KCNB2: variants seen among roughly 807,000 people sequenced by gnomAD.
KCNB2 encodes delayed rectifier potassium channel protein.
In KCNB2, 15 loss-of-function variants were observed where a neutral mutation model predicts 61.5. The observed-to-expected ratio is 0.24, with a 90% confidence interval of 0.16 to 0.38. The LOEUF is 0.38. Ranked by LOEUF, KCNB2 falls within the 10% of genes least tolerant of loss-of-function variation. The probability of loss-of-function intolerance (pLI) is 1.00; values close to 1 mark genes in which losing one functional copy is unlikely to be tolerated. For synonymous variants in KCNB2, 457 were observed against 446.0 expected, an observed-to-expected ratio of 1.02 and a Z score of -0.31; for missense variants, 828 against 1,125.2, an observed-to-expected ratio of 0.74 and a Z score of 3.78.
At chr8:72,881,651 C>G (rs1167412750) in intron 2 of KCNB2, 1 of 150,218 alleles carries the variant, frequency 6.7e-6, no homozygotes, top group Non-Finnish European at 1.5e-5. Context: ...AAAGTACTAT[C>G]AGAAGTTAGA....
intron 1 of KCNB2, among the ~76,000 whole-genome samples, chr8:72,545,015 TTCTG>T (rs1806238576): frequency 6.6e-6 from 1 of 152,196 alleles, no homozygotes; most frequent in Non-Finnish European, 1.5e-5. Flanking sequence ...CCAGTCATAT[TTCTG>T]TATCATGGAA....
At chr8:72,922,763 C>T (rs1806549220) in intron 2 of KCNB2, among the ~76,000 whole-genome samples, 1 of 152,130 alleles carries the variant, frequency 6.6e-6, no homozygotes, top group African/African-American at 2.4e-5. Context: ...ACTATTCAAC[C>T]CAGTATCCTG....
At chr8:72,723,916 A>T (rs1271965891) in intron 2 of KCNB2, among the ~76,000 whole-genome samples, 1 of 152,188 alleles carries the variant, frequency 6.6e-6, no homozygotes, top group Admixed American at 6.5e-5. Flanking sequence ...AGTACTCTCT[A>T]TGTGTGCATT....
At chr8:72,566,944 C>T (rs1806634206) in intron 1 of KCNB2, among the ~76,000 whole-genome samples, 1 of 151,978 alleles carries the variant, frequency 6.6e-6, no homozygotes, top group African/African-American at 2.4e-5. Context: ...GGCCGTAAAT[C>T]TGAGACGGAG....
intron 2 of KCNB2, among the ~76,000 whole-genome samples, chr8:72,882,736 GA>G (rs11370630): frequency 9.4e-5 from 14 of 149,124 alleles, no homozygotes; most frequent in African/African-American, 2.7e-4. Flanking sequence ...AAAAGAAAAA[GA>G]AAAAAAAAAT....
At position 72,562,943 on chromosome 8, in the gene KCNB2, TA is replaced by T. The variant is rs138663333; in HGVS notation, c.-93-4698del. Among the ~76,000 whole-genome samples, 872 of 152,250 alleles carry T rather than the reference TA, an allele frequency of 5.7e-3. 8 individuals are homozygous for T. The highest frequency in any genetic ancestry group is 7.9e-3 in the Non-Finnish European group (537 of 67,998). On this transcript the variant is annotated intron_variant, in intron 1 of 2. Transcript: ENST00000523207. ...CACAGGGAACTGGCAGATTCATTGC[TA>T]GAAGTAAAATTAATATGGCAGAAAA... is the stretch of plus-strand genomic sequence containing the variant.
chr8:72,938,308 G>A lies in KCNB2; in HGVS notation c.*217G>A, dbSNP rs1163970142. On this transcript the variant is annotated 3_prime_UTR_variant, in exon 3 of 3. Transcript: ENST00000523207. ...TTGTAACAAACCAACAAAAATGACT[G>A]AAGAACAGTGAACAAATAAAAAGAG... is the stretch of plus-strand genomic sequence containing the variant. 1 of 489,950 alleles carries A rather than the reference G, an allele frequency of 2.0e-6. No homozygotes were observed. Among genetic ancestry groups the A allele is most frequent in the Non-Finnish European group, 3.6e-6 (1 of 278,912 alleles). The allele number at this position is 489,950 out of a possible 1,614,324, so 30.4% of individuals were successfully genotyped here.
At chr8:72,629,171 A>G (rs111582909) in intron 2 of KCNB2, among the ~76,000 whole-genome samples, 2 of 152,172 alleles carry the variant, frequency 1.3e-5, no homozygotes, top group African/African-American at 4.8e-5. Context: ...CTGAAGACTA[A>G]ATTGAACTCA....
At chr8:72,625,135 C>T (rs1222253296) in intron 2 of KCNB2, among the ~76,000 whole-genome samples, 3 of 152,128 alleles carry the variant, frequency 2.0e-5, no homozygotes, top group African/African-American at 4.8e-5. Flanking sequence ...ACTCCTGACT[C>T]GCAGAAGCTG....
intron 2 of KCNB2, among the ~76,000 whole-genome samples, chr8:72,577,261 CCAGA>C (rs1251785015): frequency 6.6e-6 from 1 of 151,716 alleles, no homozygotes; most frequent in African/African-American, 2.4e-5. Context: ...TGAGTAGTAC[CCAGA>C]CAAAGTCTGT....
At chr8:72,552,254 C>G (rs1233961776) in intron 1 of KCNB2, among the ~76,000 whole-genome samples, 1 of 152,122 alleles carries the variant, frequency 6.6e-6, no homozygotes, top group African/African-American at 2.4e-5. Flanking sequence ...AAGAACAGAA[C>G]TTATTTCTTA....
intron 2 of KCNB2, among the ~76,000 whole-genome samples, chr8:72,832,214 A>G (rs1004926910): frequency 1.4e-4 from 21 of 152,222 alleles, no homozygotes; most frequent in African/African-American, 5.1e-4. Flanking sequence ...ATTACATTAT[A>G]AAAGGATGGC....
chr8:72,599,264 G>A (rs1807250447), intron 2 of KCNB2, among the ~76,000 whole-genome samples: 1 of 152,026 alleles, frequency 6.6e-6, no homozygotes, highest in Non-Finnish European at 1.5e-5. Context: ...TAGACCAATG[G>A]AACAGAACAG....
Position 72,920,471 on chromosome 8 carries a change from A to ATATATATATATATATATGTG in KCNB2, c.580-15463_580-15462insATATATATATATATATGTGT, listed in dbSNP as rs1323200698. 2.1e-4 allele frequency among the ~76,000 whole-genome samples: 9 copies of ATATATATATATATATATGTG among 42,286 alleles called. 2 individuals carry two copies. The highest frequency in any genetic ancestry group is 4.2e-4 in the Non-Finnish European group (6 of 14,148). 27.7% of individuals were successfully genotyped at this position (42,286 alleles called of 152,430 possible). On this transcript the variant is annotated intron_variant, in intron 2 of 2. Coordinates refer to ENST00000523207, the MANE Select transcript of KCNB2 (RefSeq NM_004770.3). The stretch of plus-strand genomic sequence containing the variant: ...TATCTATCTATCTATCTATCTATCT[A>ATATATATATATATATATGTG]TCTATATATATATATATTAGCTGGC...
chr8:72,836,972 A>G (rs1809793649), intron 2 of KCNB2, among the ~76,000 whole-genome samples: 1 of 152,174 alleles, frequency 6.6e-6, no homozygotes, highest in Admixed American at 6.5e-5. Flanking sequence ...AGGTACTTCA[A>G]ATTAAAGGTG....
At position 72,784,100 on chromosome 8, in the gene KCNB2, G is replaced by C. The variant is rs146429180; in HGVS notation, c.580-151835G>C. On this transcript the variant is annotated intron_variant, in intron 2 of 2. Transcript: ENST00000523207. Reference sequence around the variant, plus strand: ...ATTGGGAAATATTTAATATATTCAAGATATACAATGGGATGATTGGATATA... The same window carrying C: ...ATTGGGAAATATTTAATATATTCAACATATACAATGGGATGATTGGATATA... 9.7e-4 allele frequency among the ~76,000 whole-genome samples: 147 copies of C among 152,176 alleles called. 1 individual carries two copies. The East Asian group carries it at 0.027, about 28-fold the overall frequency.
intron 1 of KCNB2, among the ~76,000 whole-genome samples, chr8:72,542,229 G>C (rs1248076703): frequency 6.6e-6 from 1 of 152,018 alleles, no homozygotes. Flanking sequence ...ATTAAATATT[G>C]CCTGCAGGAA....
At chr8:72,598,367 A>AG (rs1182375520) in intron 2 of KCNB2, among the ~76,000 whole-genome samples, 9 of 152,258 alleles carry the variant, frequency 5.9e-5, no homozygotes, top group African/African-American at 2.2e-4. Flanking sequence ...TTATCTCAAT[A>AG]GATGCAGAAA....
At chr8:72,902,107 GTC>G (rs1449985281) in intron 2 of KCNB2, among the ~76,000 whole-genome samples, 1 of 152,130 alleles carries the variant, frequency 6.6e-6, no homozygotes, top group Admixed American at 6.5e-5. Context: ...TTCAGCAGTG[GTC>G]CATGGACCAA....
Sources: allele counts gnomAD v4.1 joint callset (sites outside exome capture counted in the v4.1 genomes callset), GRCh38; gene constraint gnomAD v4.1.1; transcripts MANE v1.5; gene names NCBI Gene and HGNC (gene_info 2026-07-23, HGNC 2026-07-21).